The following KAZN variants were observed in gnomAD, a reference collection of about 807,000 sequenced individuals.
KAZN encodes kazrin, periplakin interacting protein, also known as kazrin.
A neutral mutation model predicts 87.4 loss-of-function variants in KAZN; 40 were observed. That is an observed-to-expected ratio of 0.46 (90% confidence interval 0.36 to 0.60). The LOEUF (loss-of-function observed/expected upper bound fraction) is 0.60, where lower values mean the gene tolerates loss of function less well. Ranked by LOEUF, KAZN falls within the 20% of genes least tolerant of loss-of-function variation. KAZN has a pLI of 0.00. For synonymous variants in KAZN, 466 were observed against 458.3 expected (o/e 1.02, Z -0.22); for missense variants, 898 against 1,073.9 (o/e 0.84, Z 2.29).
chr1:14,764,935 A>T (rs1035145128), intron 1 of KAZN, among the ~76,000 whole-genome samples: 5 of 152,238 alleles, frequency 3.3e-5, no homozygotes, highest in African/African-American at 1.2e-4. Context: ...TGAGATTCAG[A>T]GAAGCCACAT....
intron 1 of KAZN, among the ~76,000 whole-genome samples, chr1:14,948,806 C>T (rs1662131662): frequency 6.6e-6 from 1 of 152,042 alleles, no homozygotes. Context: ...CCAAGTCAGC[C>T]CACCTGACTT....
intron 2 of KAZN, among the ~76,000 whole-genome samples, chr1:15,026,385 C>G (rs1279627809): frequency 6.6e-6 from 1 of 152,196 alleles, no homozygotes; most frequent in Non-Finnish European, 1.5e-5. Flanking sequence ...CATGTGGGGT[C>G]TCAGGCCCCG....
intron 2 of KAZN, among the ~76,000 whole-genome samples, chr1:14,331,273 A>T (rs1656837033): frequency 6.6e-6 from 1 of 152,154 alleles, no homozygotes; most frequent in Non-Finnish European, 1.5e-5. Flanking sequence ...CCATGACTGC[A>T]TGGATAGCCC....
intron 1 of KAZN, among the ~76,000 whole-genome samples, chr1:13,957,002 G>T (rs1255627476): frequency 6.6e-6 from 1 of 152,132 alleles, no homozygotes; most frequent in Non-Finnish European, 1.5e-5. Flanking sequence ...AGGCTGGGGA[G>T]ACCATTGTGA....
intron 1 of KAZN, among the ~76,000 whole-genome samples, chr1:14,633,827 G>C (rs1346925023): frequency 6.6e-6 from 1 of 152,104 alleles, no homozygotes; most frequent in Non-Finnish European, 1.5e-5. Context: ...TTAAGAGAGA[G>C]CCTGGCTCGA....
intron 2 of KAZN, among the ~76,000 whole-genome samples, chr1:14,405,526 A>G (rs1663767972): frequency 6.6e-6 from 1 of 151,930 alleles, no homozygotes; most frequent in Non-Finnish European, 1.5e-5. Context: ...GACCTGCCTC[A>G]GCACTTCCTA....
chr1:13,930,497 T>C (rs1275034832), intron 1 of KAZN, among the ~76,000 whole-genome samples: 2 of 152,170 alleles, frequency 1.3e-5, no homozygotes, highest in African/African-American at 2.4e-5. Context: ...TAAGCCATTT[T>C]CCCCCTTTTT....
intron 1 of KAZN, among the ~76,000 whole-genome samples, chr1:14,003,727 A>G (rs753092701): frequency 3.9e-5 from 6 of 152,230 alleles, no homozygotes; most frequent in Non-Finnish European, 8.8e-5. Flanking sequence ...AGCAAAAGCA[A>G]GCAAAAACAA....
intron 2 of KAZN, among the ~76,000 whole-genome samples, chr1:14,315,576 G>A (rs558836507): frequency 6.6e-6 from 1 of 151,974 alleles, no homozygotes; most frequent in Non-Finnish European, 1.5e-5. Context: ...CCCAGCCCAG[G>A]CAGACACTGA....
intron 1 of KAZN, among the ~76,000 whole-genome samples, chr1:14,637,705 C>T (rs991203459): frequency 2.0e-5 from 3 of 151,676 alleles, no homozygotes; most frequent in Admixed American, 6.6e-5. Context: ...CACTGTCCTG[C>T]ATAAATATAT....
intron 1 of KAZN, among the ~76,000 whole-genome samples, chr1:14,907,716 T>G (rs533610680): frequency 2.6e-4 from 39 of 152,212 alleles, no homozygotes; most frequent in Non-Finnish European, 4.7e-4. Flanking sequence ...AGGAGAATAT[T>G]CCTGGCAGGG....
intron 2 of KAZN, among the ~76,000 whole-genome samples, chr1:14,536,301 G>C (rs1307337770): frequency 1.3e-5 from 2 of 152,224 alleles, no homozygotes; most frequent in Non-Finnish European, 2.9e-5. Flanking sequence ...GAAGGGGTCT[G>C]CCCGTGCAAG....
chr1:14,888,014 A>C (rs1389473575), intron 1 of KAZN, among the ~76,000 whole-genome samples: 1 of 151,994 alleles, frequency 6.6e-6, no homozygotes, highest in Non-Finnish European at 1.5e-5. Flanking sequence ...CCTCTTGCTG[A>C]CAGCCTCTCT....
At chr1:14,744,232 C>T (rs1644198518) in intron 1 of KAZN, among the ~76,000 whole-genome samples, 1 of 152,108 alleles carries the variant, frequency 6.6e-6, no homozygotes, top group Non-Finnish European at 1.5e-5. Flanking sequence ...TATGTGTTTT[C>T]CATGCACTGG....
At chr1:15,011,690 A>G (rs1170804243) in intron 2 of KAZN, among the ~76,000 whole-genome samples, 2 of 152,344 alleles carry the variant, frequency 1.3e-5, no homozygotes, top group East Asian at 3.9e-4. Flanking sequence ...GATGAATGAG[A>G]GAATGAACAA....
chr1:14,788,463 G>A (rs920622828), intron 1 of KAZN, among the ~76,000 whole-genome samples: 3 of 150,584 alleles, frequency 2.0e-5, no homozygotes, highest in Non-Finnish European at 4.4e-5. Context: ...AATTCATGGG[G>A]AGGCAGCCTT....
chr1:14,866,158 C>T (rs1651431952), intron 1 of KAZN, among the ~76,000 whole-genome samples: 1 of 136,466 alleles, frequency 7.3e-6, no homozygotes, highest in African/African-American at 2.6e-5. Flanking sequence ...TTCCCTCTGC[C>T]TGGAACTCTC....
At chr1:14,993,247 C>A (rs1320305997) in intron 2 of KAZN, among the ~76,000 whole-genome samples, 2 of 151,306 alleles carry the variant, frequency 1.3e-5, no homozygotes, top group Non-Finnish European at 2.9e-5. Context: ...GTGGGTGGAT[C>A]ACCTGAGGTC....
intron 1 of KAZN, among the ~76,000 whole-genome samples, chr1:14,074,861 AT>A (rs1643390199): frequency 6.6e-6 from 1 of 152,170 alleles, no homozygotes; most frequent in Non-Finnish European, 1.5e-5. Flanking sequence ...CCTCGATTTT[AT>A]CATCAATTAA....
Sources: gnomAD v4.1 joint callset for allele counts (sites outside exome capture counted in the v4.1 genomes callset) on GRCh38, gnomAD v4.1.1 for gene constraint, MANE v1.5 for transcripts, NCBI Gene and HGNC (gene_info 2026-07-23, HGNC 2026-07-21) for gene names.